CSMD1: variants seen among roughly 807,000 people sequenced by gnomAD.
CSMD1 encodes the protein CUB and sushi domain-containing protein 1.
Under a neutral mutation model 417.5 loss-of-function variants are expected in CSMD1, and 213 were observed. The ratio of observed to expected loss-of-function variants is 0.51; its 90% CI spans 0.46 to 0.57. The LOEUF is 0.57. Among genes scored for constraint, CSMD1 ranks in the 20% least tolerant of loss-of-function variants. The pLI is 0.00. For missense variants in CSMD1, 6,923 were observed against 4,529.7 expected, an observed-to-expected ratio of 1.53 and a Z score of -15.17; for synonymous variants, 2,862 against 1,736.8, an observed-to-expected ratio of 1.65 and a Z score of -16.11.
intron 5 of CSMD1, among the ~76,000 whole-genome samples, chr8:3,936,765 C>T (rs1014427933): frequency 1.3e-5 from 2 of 152,134 alleles, no homozygotes; most frequent in Admixed American, 6.6e-5. Flanking sequence ...GCCCAAGAAA[C>T]ACGAAAAACT....
rs1380029508 is a variant in CSMD1 at position 3,481,907 on chromosome 8, G to T, written c.1448+11716C>A. 3.9e-5 allele frequency among the ~76,000 whole-genome samples: 6 copies of T among 152,268 alleles called. No individual in the cohort carries two copies. The East Asian group carries it at 9.6e-4, about 24-fold the overall frequency. On this transcript the variant is annotated intron_variant, in intron 11 of 69. Transcript: ENST00000635120. ...TCCAGAACTGAGAGTACAAATTTCTGCTGTTTTGAGCCACCAAGTTTGTGG... is the reference window on the plus strand; with the variant it reads ...TCCAGAACTGAGAGTACAAATTTCTTCTGTTTTGAGCCACCAAGTTTGTGG...
intron 4 of CSMD1, among the ~76,000 whole-genome samples, chr8:4,027,923 A>C (rs140038841): frequency 1.3e-5 from 2 of 152,186 alleles, no homozygotes; most frequent in Non-Finnish European, 2.9e-5. Context: ...AATGTAATGG[A>C]AATAATGGTA....
At chr8:4,251,828 T>C (rs1247728682) in intron 3 of CSMD1, among the ~76,000 whole-genome samples, 2 of 133,226 alleles carry the variant, frequency 1.5e-5, no homozygotes, top group African/African-American at 5.7e-5. Context: ...GGAGGAGAGA[T>C]GGAAGAGGAG....
At position 3,491,019 on chromosome 8, in the gene CSMD1, T is replaced by G. The variant is rs986639315; in HGVS notation, c.1448+2604A>C. The stretch of plus-strand genomic sequence containing the variant: ...AGAAACGTAACAATGTAAATGAAGA[T>G]GCCTCTTCATCCCCAAATTCCTCAA... On this transcript the variant is annotated intron_variant, in intron 11 of 69. Transcript: ENST00000635120. 2.0e-5 allele frequency among the ~76,000 whole-genome samples: 3 copies of G among 152,190 alleles called. No homozygotes were observed. The South Asian group carries it at 6.2e-4, about 31-fold the overall frequency.
At chr8:3,167,212 G>C (rs1217773868) in intron 37 of CSMD1, among the ~76,000 whole-genome samples, 3 of 151,014 alleles carry the variant, frequency 2.0e-5, no homozygotes, top group African/African-American at 4.9e-5. Flanking sequence ...TTGAACCCAG[G>C]AGGCGGAGGT....
intron 5 of CSMD1, among the ~76,000 whole-genome samples, chr8:3,777,211 C>T (rs988059368): frequency 6.6e-6 from 1 of 151,730 alleles, no homozygotes; most frequent in East Asian, 2.0e-4. Context: ...TGTTTAAAAT[C>T]TGCCTTCTCC....
intron 2 of CSMD1, among the ~76,000 whole-genome samples, chr8:4,492,282 A>C (rs184533117): frequency 5.0e-4 from 76 of 152,186 alleles, no homozygotes; most frequent in Non-Finnish European, 8.8e-5. Context: ...TCTACACGGG[A>C]TCTTCTTATG....
chr8:3,514,902 A>G (rs1339977459), intron 10 of CSMD1, among the ~76,000 whole-genome samples: 1 of 152,154 alleles, frequency 6.6e-6, no homozygotes, highest in Non-Finnish European at 1.5e-5. Flanking sequence ...ATTATTGTTT[A>G]TATCTATATG....
chr8:3,663,253 A>C (rs987672276), intron 7 of CSMD1, among the ~76,000 whole-genome samples: 3 of 152,156 alleles, frequency 2.0e-5, no homozygotes, highest in Non-Finnish European at 4.4e-5. Context: ...TCTCCATGAA[A>C]GTGAGAGAGT....
chr8:4,469,858 T>C (rs1001810933), intron 2 of CSMD1, among the ~76,000 whole-genome samples: 8 of 149,128 alleles, frequency 5.4e-5, no homozygotes, highest in African/African-American at 1.5e-4. Flanking sequence ...TGATCTGGCC[T>C]TTGGTTTTCC....
At chr8:3,783,067 A>T (rs1159327831) in intron 5 of CSMD1, among the ~76,000 whole-genome samples, 2 of 152,128 alleles carry the variant, frequency 1.3e-5, no homozygotes, top group Non-Finnish European at 2.9e-5. Context: ...GTTGAAAGCA[A>T]GTCCCCATCT....
chr8:3,829,376 T>G (rs1232655041), intron 5 of CSMD1, among the ~76,000 whole-genome samples: 1 of 152,166 alleles, frequency 6.6e-6, no homozygotes, highest in South Asian at 2.1e-4. Context: ...ACTATACCCC[T>G]TCAGAGAAGT....
At chr8:3,512,678 G>A (rs1290100166) in intron 10 of CSMD1, among the ~76,000 whole-genome samples, 4 of 150,916 alleles carry the variant, frequency 2.7e-5, no homozygotes. Flanking sequence ...ACATGATCTG[G>A]GCTCCCTGCA....
chr8:3,492,732 G>T (rs1045131032), intron 11 of CSMD1, among the ~76,000 whole-genome samples: 2 of 152,180 alleles, frequency 1.3e-5, no homozygotes, highest in African/African-American at 4.8e-5. Flanking sequence ...AAACTGAGAA[G>T]TGGGATCAGT....
At chr8:3,628,970 A>G (rs754815351) in intron 7 of CSMD1, among the ~76,000 whole-genome samples, 2 of 152,134 alleles carry the variant, frequency 1.3e-5, no homozygotes, top group Non-Finnish European at 2.9e-5. Flanking sequence ...AAAGATAAAG[A>G]AGGGAAGGAG....
chr8:3,212,418 G>A (rs981092781), intron 30 of CSMD1, among the ~76,000 whole-genome samples: 5 of 151,986 alleles, frequency 3.3e-5, no homozygotes, highest in Non-Finnish European at 1.5e-5. Context: ...GAGCAATCTC[G>A]GCTCACTGAA....
chr8:4,168,070 A>T (rs1050145113), intron 3 of CSMD1, among the ~76,000 whole-genome samples: 2 of 151,666 alleles, frequency 1.3e-5, no homozygotes, highest in African/African-American at 4.9e-5. Flanking sequence ...CAGAAGTTGT[A>T]GGGAGCTGAA....
chr8:3,829,713 C>A (rs149827990), intron 5 of CSMD1, among the ~76,000 whole-genome samples: 164 of 152,278 alleles, frequency 1.1e-3, no homozygotes, highest in African/African-American at 3.8e-3. Flanking sequence ...TGAAAATCAG[C>A]TTTCTTCCTG....
intron 52 of CSMD1, among the ~76,000 whole-genome samples, chr8:3,014,486 C>T (rs970209390): frequency 6.6e-6 from 1 of 152,130 alleles, no homozygotes; most frequent in South Asian, 2.1e-4. Flanking sequence ...TAATATCTCA[C>T]CAAGAACACT....
Sources: gnomAD v4.1 joint callset for allele counts (sites outside exome capture counted in the v4.1 genomes callset) on GRCh38, gnomAD v4.1.1 for gene constraint, MANE v1.5 for transcripts, NCBI Gene and HGNC (gene_info 2026-07-23, HGNC 2026-07-21) for gene names.